Variants in NMU observed in about 807,000 individuals in gnomAD.
NMU encodes neuromedin-U.
A neutral mutation model predicts 35.4 loss-of-function variants in NMU; 29 were observed. The ratio of observed to expected loss-of-function variants is 0.82; its 90% CI spans 0.61 to 1.12. The LOEUF is 1.12. Among genes scored for constraint, NMU ranks in the 50% most tolerant of loss-of-function variants. The pLI is 0.00. For synonymous variants in NMU, 78 were observed against 81.3 expected (o/e 0.96, Z 0.22); for missense variants, 199 against 206.2 (o/e 0.97, Z 0.21).
intron 3 of NMU, among the ~76,000 whole-genome samples, chr4:55,614,483 G>A (rs1412765233): frequency 2.0e-5 from 3 of 152,070 alleles, no homozygotes; most frequent in Non-Finnish European, 2.9e-5. Flanking sequence ...ATGATTCCAG[G>A]TGCTGGCTAT....
chr4:55,598,093 T>A (rs1195531173), intron 9 of NMU, among the ~76,000 whole-genome samples: 1 of 135,940 alleles, frequency 7.4e-6, no homozygotes, highest in East Asian at 2.1e-4. Flanking sequence ...GTTGTGGTTT[T>A]TTTTTTTTTT....
intron 2 of NMU, among the ~76,000 whole-genome samples, chr4:55,628,251 C>T (rs534960503): frequency 6.6e-6 from 1 of 152,298 alleles, no homozygotes; most frequent in South Asian, 2.1e-4. Flanking sequence ...AGTGTATTTA[C>T]AGAGTTGAGC....
chr4:55,636,154 G>T lies in NMU; in HGVS notation c.39C>A (p.Ala13=), dbSNP rs910183040. 7.9e-6 allele frequency: 12 copies of T among 1,516,596 alleles called. No individual in the cohort carries two copies. In the African/African-American group the frequency reaches 1.7e-4, roughly 21 times the overall value. 93.9% of individuals were successfully genotyped at this position (1,516,596 alleles called of 1,614,324 possible). ...RTESCRPRSP[A]GQVAAASPLL... Reference sequence around the variant, plus strand: ...GCGGGGACGCCGCGGCCACCTGTCCGGCGGGCGACCTGGGGCGGCAGCTCT... The same window carrying T: ...GCGGGGACGCCGCGGCCACCTGTCCTGCGGGCGACCTGGGGCGGCAGCTCT... The change falls in exon 1 of 10, where the codon GCC becomes GCA. Residue 13 remains alanine (A), a synonymous_variant. Coordinates refer to ENST00000264218, the MANE Select transcript of NMU (RefSeq NM_006681.4). The surrounding 1 kb of genome is among the most constrained non-coding windows in gnomAD (Gnocchi z 4.0).
chr4:55,598,089 G>GTTTTTTTTTTTTTTTTTTTTTTTTTGT (rs10588154), intron 9 of NMU, among the ~76,000 whole-genome samples: 1 of 85,394 alleles, frequency 1.2e-5, no homozygotes, highest in African/African-American at 4.3e-5. Context: ...TTTGGTTGTG[G>GTTTTTTTTTTTTTTTTTTTTTTTTTGT]TTTTTTTTTT....
At chr4:55,599,273 A>C in intron 8 of NMU, 92 bp from the exon 9 acceptor site, 2 of 998,796 alleles carry the variant, frequency 2.0e-6, no homozygotes, top group East Asian at 4.8e-5. Context: ...GGAGTGTTTA[A>C]CGTGCATCAC....
chr4:55,606,433 A>G (rs1654185019), intron 6 of NMU, among the ~76,000 whole-genome samples: 1 of 152,206 alleles, frequency 6.6e-6, no homozygotes, highest in African/African-American at 2.4e-5. Context: ...AACCTTAGAG[A>G]ATACATTCTC....
intron 2 of NMU, among the ~76,000 whole-genome samples, chr4:55,616,752 T>C (rs903394523): frequency 6.6e-6 from 1 of 152,202 alleles, no homozygotes; most frequent in African/African-American, 2.4e-5. Context: ...TTGGTTATCA[T>C]ATGGTTCTTT....
chr4:55,612,408 A>G (rs1733969221), intron 3 of NMU, among the ~76,000 whole-genome samples: 1 of 152,210 alleles, frequency 6.6e-6, no homozygotes, highest in African/African-American at 2.4e-5. Flanking sequence ...TCTAAAAACA[A>G]AAACAAAATG....
intron 7 of NMU, among the ~76,000 whole-genome samples, chr4:55,602,297 A>C (rs1733459877): frequency 6.6e-6 from 1 of 152,244 alleles, no homozygotes; most frequent in Non-Finnish European, 1.5e-5. Flanking sequence ...ATATTTCACT[A>C]TCAAAGATAT....
At chr4:55,606,094 C>G (rs555297861) in intron 6 of NMU, among the ~76,000 whole-genome samples, 1 of 152,324 alleles carries the variant, frequency 6.6e-6, no homozygotes, top group African/African-American at 2.4e-5. Context: ...TCAACTTGTA[C>G]TTGGTTTAAA....
At chr4:55,600,220 A>G (rs1402105095) in intron 8 of NMU, among the ~76,000 whole-genome samples, 1 of 151,382 alleles carries the variant, frequency 6.6e-6, no homozygotes, top group African/African-American at 2.4e-5. Context: ...CATAAGGAAT[A>G]GTGTATCTTT....
chr4:55,618,683 TC>T (rs1734213350), intron 2 of NMU, among the ~76,000 whole-genome samples: 1 of 127,254 alleles, frequency 7.9e-6, no homozygotes, highest in Non-Finnish European at 1.6e-5. Flanking sequence ...TCCTTTCTTC[TC>T]TCTTTCTTCT....
In NMU at chr4:55,616,412, A is replaced by T. The variant is rs1280729106; in HGVS notation, c.172-27T>A. On this transcript the variant is annotated intron_variant, in intron 2 of 9. Coordinates refer to ENST00000264218, the MANE Select transcript of NMU (RefSeq NM_006681.4). The stretch of plus-strand genomic sequence containing the variant: ...TGTAGAAAACAAAAATGTCAGTTAC[A>T]TCCTGGGAATGGACAGAAAATAACA... The T allele has an allele frequency of 1.9e-6, 3 of 1,558,520 alleles. No individual in the cohort carries two copies. The African/African-American group carries it at 4.1e-5, about 21-fold the overall frequency.
chr4:55,598,381 A>G (rs1223435263), intron 9 of NMU, among the ~76,000 whole-genome samples: 1 of 152,140 alleles, frequency 6.6e-6, no homozygotes, highest in Non-Finnish European at 1.5e-5. Flanking sequence ...TCTAAAATGA[A>G]TGATATATTT....
chr4:55,605,309 A>C lies in NMU; in HGVS notation c.401T>G (p.Leu134Arg). The C allele has an allele frequency of 6.2e-7, 1 of 1,613,766 alleles. No individual in the cohort carries two copies. The highest frequency in any genetic ancestry group is 1.1e-5 in the South Asian group (1 of 91,062). The change falls in exon 7 of 10, where the codon CTG becomes CGG. Residue 134 changes from leucine (L) to arginine (R), a missense_variant. Transcript: ENST00000264218. ...GAATCTCTTCATTCTTCTCTCATGC[A>C]GGTGAGGAACGAGCTGCAGCAACGG... ...VHPLLQLVPHLHERRMKRFRV... is the reference protein window; with the variant it reads ...VHPLLQLVPHRHERRMKRFRV...
chr4:55,634,256 C>A (rs1318553147), intron 1 of NMU, among the ~76,000 whole-genome samples: 3 of 152,092 alleles, frequency 2.0e-5, no homozygotes, highest in African/African-American at 7.2e-5. Context: ...GCTATTCACC[C>A]TCTGCCCTTC....
intron 2 of NMU, among the ~76,000 whole-genome samples, chr4:55,627,172 G>A (rs1174153250): frequency 6.6e-6 from 1 of 152,152 alleles, no homozygotes; most frequent in Non-Finnish European, 1.5e-5. Flanking sequence ...ACAGGTACTG[G>A]TGGTGACTGC....
At position 55,602,642 on chromosome 4, in the gene NMU, A is replaced by G. The variant is rs566022924; in HGVS notation, c.436-2067T>C. 3.3e-5 allele frequency among the ~76,000 whole-genome samples: 5 copies of G among 152,330 alleles called. No individual in the cohort carries two copies. In the South Asian group the frequency reaches 8.3e-4, roughly 25 times the overall value. On this transcript the variant is annotated intron_variant, in intron 7 of 9. Coordinates refer to ENST00000264218, the MANE Select transcript of NMU (RefSeq NM_006681.4). ...GTTTACTAATTCATAACTCGAGCAA[A>G]CACTTTTAAGAAGTAAAAGTTAAAT...
At chr4:55,604,126 C>T (rs1476314392) in intron 7 of NMU, among the ~76,000 whole-genome samples, 7 of 141,686 alleles carry the variant, frequency 4.9e-5, no homozygotes, top group African/African-American at 1.8e-4. Context: ...AGTGCAGTGG[C>T]GAGATTTCAG....
Sources: allele counts gnomAD v4.1 joint callset (sites outside exome capture counted in the v4.1 genomes callset), GRCh38; gene constraint gnomAD v4.1.1; non-coding constraint Gnocchi (gnomAD v3.1); transcripts MANE v1.5; gene names NCBI Gene and HGNC (gene_info 2026-07-23, HGNC 2026-07-21).